FMNL2: variants seen among roughly 807,000 people sequenced by gnomAD.
FMNL2 encodes formin like 2.
In FMNL2, 51 loss-of-function variants were observed where a neutral mutation model predicts 130.2. The ratio of observed to expected loss-of-function variants is 0.39; its 90% confidence interval spans 0.31 to 0.49. The LOEUF (loss-of-function observed/expected upper bound fraction) is 0.49. Among genes scored for constraint, FMNL2 ranks in the 20% least tolerant of loss-of-function variants. The pLI is 0.85. For synonymous variants in FMNL2, 465 were observed against 467.1 expected (o/e 1.00, Z 0.06); for missense variants, 977 against 1,316.2 (o/e 0.74, Z 3.99).
intron 2 of FMNL2, among the ~76,000 whole-genome samples, chr2:152,542,524 G>A (rs553500447): frequency 4.2e-4 from 64 of 152,318 alleles, no homozygotes; most frequent in African/African-American, 1.3e-3. Context: ...ATCAAAGAGA[G>A]TTCTGCATTT....
At chr2:152,587,937 C>A (rs1197410344) in intron 9 of FMNL2, among the ~76,000 whole-genome samples, 2 of 152,192 alleles carry the variant, frequency 1.3e-5, no homozygotes, top group Non-Finnish European at 2.9e-5. Context: ...AGATGCTCTG[C>A]AAAGAAGAGG....
chr2:152,374,797 T>G (rs16831007), intron 1 of FMNL2, among the ~76,000 whole-genome samples: 11,761 of 152,230 alleles, frequency 0.077, 497 homozygotes, highest in African/African-American at 0.099. Context: ...ACATGAAGAT[T>G]ATTTTCCCTT....
At chr2:152,487,245 A>G (rs1490679164) in intron 1 of FMNL2, among the ~76,000 whole-genome samples, 1 of 152,126 alleles carries the variant, frequency 6.6e-6, no homozygotes, top group Non-Finnish European at 1.5e-5. Context: ...AAACTTTCCA[A>G]CTTCTTTGTT....
chr2:152,593,898 TGTGTGAGA>T lies in FMNL2; in HGVS notation c.876+12851_876+12858del, dbSNP rs755340383. Among the ~76,000 whole-genome samples, 492 of 78,056 alleles carry T rather than the reference TGTGTGAGA, an allele frequency of 6.3e-3. 1 individual carries two copies. Among genetic ancestry groups the T allele is most frequent in the Middle Eastern group, 0.013 (2 of 160 alleles). The allele number at this position is 78,056 out of a possible 152,430, so 51.2% of individuals were successfully genotyped here. On this transcript the variant is annotated intron_variant, in intron 9 of 25. Coordinates refer to ENST00000288670, the MANE Select transcript of FMNL2 (RefSeq NM_052905.4). ...GTGTGTGTGTGTGTGTGTGTGTGTGTGTGTGAGAGAGAGAGAGAGAGAGAGAGAGCGAG... is the reference window on the plus strand; with the variant it reads ...GTGTGTGTGTGTGTGTGTGTGTGTGTGAGAGAGAGAGAGAGAGAGAGCGAG...
intron 1 of FMNL2, among the ~76,000 whole-genome samples, chr2:152,358,251 A>G (rs1352251416): frequency 6.6e-6 from 1 of 152,194 alleles, no homozygotes; most frequent in Non-Finnish European, 1.5e-5. Flanking sequence ...GGCCTGCACT[A>G]TCAGCTTCCC....
chr2:152,574,342 A>G (rs1158758382), intron 6 of FMNL2, among the ~76,000 whole-genome samples: 10 of 150,994 alleles, frequency 6.6e-5, no homozygotes, highest in Non-Finnish European at 1.5e-4. Context: ...AGGCTGAGGC[A>G]GGAGAATCGC....
intron 21 of FMNL2, 150 bp from the exon 22 acceptor site, chr2:152,636,277 T>A (rs1682596510): frequency 1.4e-6 from 1 of 700,218 alleles, no homozygotes; most frequent in Non-Finnish European, 2.3e-6. Flanking sequence ...CTTCTTTGCA[T>A]TAAAAGATCT....
chr2:152,646,415 T>G (rs1415653036), intron 25 of FMNL2, among the ~76,000 whole-genome samples: 1 of 151,768 alleles, frequency 6.6e-6, no homozygotes, highest in Admixed American at 6.6e-5. Context: ...GTAACAGGCC[T>G]GGTAGGAACT....
At chr2:152,592,260 T>C (rs1387014234) in intron 9 of FMNL2, among the ~76,000 whole-genome samples, 1 of 152,246 alleles carries the variant, frequency 6.6e-6, no homozygotes, top group East Asian at 1.9e-4. Context: ...GAATTGTGCA[T>C]GTATTTATAT....
At chr2:152,550,311 A>T (rs1694866846) in intron 4 of FMNL2, among the ~76,000 whole-genome samples, 1 of 152,242 alleles carries the variant, frequency 6.6e-6, no homozygotes, top group South Asian at 2.1e-4. Flanking sequence ...AAGAATGTGC[A>T]TTTCTTAAAT....
At chr2:152,518,222 T>G (rs1449092524) in intron 1 of FMNL2, among the ~76,000 whole-genome samples, 2 of 151,958 alleles carry the variant, frequency 1.3e-5, no homozygotes, top group African/African-American at 4.8e-5. Flanking sequence ...CTCTGTAGAG[T>G]GTCTGATTTT....
intron 13 of FMNL2, among the ~76,000 whole-genome samples, chr2:152,618,587 C>T (rs1278998659): frequency 1.3e-5 from 2 of 152,132 alleles, no homozygotes; most frequent in Non-Finnish European, 1.5e-5. Context: ...TGTTTCTTTC[C>T]ACCTGCAGGG....
At chr2:152,646,983 T>G (rs1683642983) in intron 25 of FMNL2, among the ~76,000 whole-genome samples, 1 of 152,174 alleles carries the variant, frequency 6.6e-6, no homozygotes, top group Non-Finnish European at 1.5e-5. Context: ...CTATTTGGAC[T>G]GGTATGCAGT....
At chr2:152,556,734 C>T (rs773098822) in intron 4 of FMNL2, among the ~76,000 whole-genome samples, 5 of 152,110 alleles carry the variant, frequency 3.3e-5, no homozygotes, top group Non-Finnish European at 5.9e-5. Flanking sequence ...TGAGTGCATT[C>T]TGAATGGTCT....
intron 9 of FMNL2, among the ~76,000 whole-genome samples, chr2:152,606,580 A>G (rs1439669586): frequency 5.3e-5 from 8 of 151,890 alleles, no homozygotes; most frequent in African/African-American, 1.9e-4. Context: ...TAAAAAAAAG[A>G]AAGAAAAAAA....
Position 152,614,898 on chromosome 2 carries a change from T to C in FMNL2, c.1110T>C (p.Ala370=). 1 of 1,613,796 alleles carries C rather than the reference T, an allele frequency of 6.2e-7. No homozygotes were observed. The highest frequency in any genetic ancestry group is 8.5e-7 in the Non-Finnish European group (1 of 1,179,800). ...ESDKLQVQIQ[A]YLDNVFDVGA... is the part of the protein sequence containing the mutation. ...ACAAGCTTCAAGTCCAGATCCAGGC[T>C]TACCTGGACAATGTTTTTGATGTAG... Residue 370 remains alanine (A), a synonymous_variant, in exon 12 of 26, where the codon GCT becomes GCC. Coordinates refer to ENST00000288670, the MANE Select transcript of FMNL2 (RefSeq NM_052905.4).
chr2:152,553,433 G>T (rs1579947647), intron 4 of FMNL2, among the ~76,000 whole-genome samples: 1 of 151,880 alleles, frequency 6.6e-6, no homozygotes, highest in South Asian at 2.1e-4. Context: ...GAATACTGAG[G>T]GTCATTTATT....
rs527547176 is a variant in FMNL2 at position 152,625,502 on chromosome 2, G to A, written c.1902G>A (p.Leu634=). The change falls in exon 16 of 26, where the codon CTG becomes CTA. Residue 634 remains leucine, a synonymous_variant. Transcript: ENST00000288670. Reference sequence around the variant, plus strand: ...TGCCAGTGTTTAACTGGGTTGCTCTGAAGCCCAATCAGATCAATGGCACAG... The same window carrying A: ...TGCCAGTGTTTAACTGGGTTGCTCTAAAGCCCAATCAGATCAATGGCACAG... The part of the protein sequence containing the change: ...FRMPVFNWVA[L]KPNQINGTVF... 7 of 1,612,266 alleles carry A rather than the reference G, an allele frequency of 4.3e-6. No homozygotes were observed. In the East Asian group the frequency reaches 1.3e-4, roughly 31 times the overall value.
chr2:152,542,832 T>A lies in FMNL2; in HGVS notation c.282+13T>A, dbSNP rs769264825. 100 of 1,613,052 alleles carry A rather than the reference T, an allele frequency of 6.2e-5. No individual in the cohort carries two copies. Among genetic ancestry groups the A allele is most frequent in the Non-Finnish European group, 8.5e-5 (100 of 1,179,212 alleles). On this transcript the variant is annotated intron_variant, in intron 3 of 25. Transcript: ENST00000288670. ...TGTAACCAGGAAGGTAAGATGGATT[T>A]GTTTCCACTCTTTGTTATTGCTTCC...
Sources: gnomAD v4.1 joint callset for allele counts (sites outside exome capture counted in the v4.1 genomes callset) on GRCh38, gnomAD v4.1.1 for gene constraint, MANE v1.5 for transcripts, NCBI Gene and HGNC (gene_info 2026-07-23, HGNC 2026-07-21) for gene names.